Variants in CCSER1 observed in about 807,000 individuals in gnomAD.
CCSER1 encodes the protein coiled-coil serine rich protein 1.
Under a neutral mutation model 82.0 loss-of-function variants are expected in CCSER1, and 41 were observed. That is an observed-to-expected ratio of 0.50 (90% CI 0.39 to 0.65). CCSER1 has a LOEUF of 0.65. CCSER1 is among the 30% of genes least tolerant of loss of function. The pLI, the probability that CCSER1 is intolerant of heterozygous loss-of-function variation, is 0.00. For synonymous variants in CCSER1, 414 were observed against 383.9 expected, an observed-to-expected ratio of 1.08 and a Z score of -0.92; for missense variants, 1,119 against 1,064.2, an observed-to-expected ratio of 1.05 and a Z score of -0.72.
intron 1 of CCSER1, among the ~76,000 whole-genome samples, chr4:90,149,855 C>A (rs1428542101): frequency 6.6e-6 from 1 of 152,048 alleles, no homozygotes; most frequent in Admixed American, 6.6e-5. Flanking sequence ...CAAGTTAAGT[C>A]TGCATTGTAT....
chr4:91,442,430 T>G (rs1397345895), intron 10 of CCSER1, among the ~76,000 whole-genome samples: 1 of 147,612 alleles, frequency 6.8e-6, no homozygotes, highest in African/African-American at 2.5e-5. Context: ...TGTAGAAAGC[T>G]GAAACTGGAT....
chr4:90,705,687 C>T (rs1739196483), intron 6 of CCSER1, among the ~76,000 whole-genome samples: 1 of 152,194 alleles, frequency 6.6e-6, no homozygotes, highest in Non-Finnish European at 1.5e-5. Context: ...CGCCCCTCCC[C>T]CAGTCTCACT....
At chr4:90,764,677 G>C (rs1750929350) in intron 7 of CCSER1, among the ~76,000 whole-genome samples, 1 of 151,984 alleles carries the variant, frequency 6.6e-6, no homozygotes. Context: ...TTGCAACTCA[G>C]GCAATTATAA....
At chr4:90,191,291 A>G (rs1049279490) in intron 1 of CCSER1, among the ~76,000 whole-genome samples, 1 of 151,366 alleles carries the variant, frequency 6.6e-6, no homozygotes, top group Non-Finnish European at 1.5e-5. Context: ...TAACAATCTG[A>G]GTATGGGGGC....
At chr4:90,661,668 A>G (rs1368100184) in intron 6 of CCSER1, among the ~76,000 whole-genome samples, 1 of 152,220 alleles carries the variant, frequency 6.6e-6, no homozygotes, top group Non-Finnish European at 1.5e-5. Flanking sequence ...AGTTTATGGA[A>G]TAACTCCAAA....
intron 10 of CCSER1, among the ~76,000 whole-genome samples, chr4:91,464,101 T>A (rs954197879): frequency 3.3e-5 from 5 of 152,100 alleles, no homozygotes; most frequent in Non-Finnish European, 5.9e-5. Context: ...GGGCAGCCAG[T>A]GAGAAAGGTC....
At position 90,835,004 on chromosome 4, in the gene CCSER1, C is replaced by T. The variant is rs188148486; in HGVS notation, c.2094+19159C>T. Among the ~76,000 whole-genome samples the T allele has an allele frequency of 2.0e-3, 305 of 152,262 alleles. 3 individuals carry two copies. The highest frequency in any genetic ancestry group is 2.6e-3 in the Non-Finnish European group (179 of 68,012). Reference sequence around the variant, plus strand: ...TTTTATTTTAAAGTATGTTTTTCATCTGCATCTACCAACATTTATTCTTGG... The same window carrying T: ...TTTTATTTTAAAGTATGTTTTTCATTTGCATCTACCAACATTTATTCTTGG... On this transcript the variant is annotated intron_variant, in intron 8 of 10. Coordinates refer to ENST00000509176, the MANE Select transcript of CCSER1 (RefSeq NM_001145065.2).
intron 10 of CCSER1, among the ~76,000 whole-genome samples, chr4:91,112,125 A>G (rs1726147462): frequency 6.6e-6 from 1 of 152,088 alleles, no homozygotes. Context: ...AGATATTCCT[A>G]TCACAAAGCT....
chr4:91,362,721 C>T (rs1281501162), intron 10 of CCSER1, among the ~76,000 whole-genome samples: 1 of 151,620 alleles, frequency 6.6e-6, no homozygotes, highest in Non-Finnish European at 1.5e-5. Flanking sequence ...CATCTTCCTC[C>T]TTTTTTTGTT....
intron 10 of CCSER1, among the ~76,000 whole-genome samples, chr4:91,370,919 T>TA (rs1319058345): frequency 1.3e-5 from 2 of 152,052 alleles, no homozygotes. Flanking sequence ...TGGAGTGCTA[T>TA]AGTGTGATCT....
At chr4:91,354,376 C>T (rs1398099233) in intron 10 of CCSER1, among the ~76,000 whole-genome samples, 1 of 152,174 alleles carries the variant, frequency 6.6e-6, no homozygotes, top group African/African-American at 2.4e-5. Flanking sequence ...GCCAATTATA[C>T]AGCTACCTGT....
chr4:90,608,328 A>G (rs569564742), intron 5 of CCSER1, among the ~76,000 whole-genome samples: 1 of 152,284 alleles, frequency 6.6e-6, no homozygotes, highest in South Asian at 2.1e-4. Context: ...TGCAGAACTC[A>G]TGGAGGCTTC....
chr4:90,952,878 C>T (rs1425709280), intron 9 of CCSER1, among the ~76,000 whole-genome samples: 1 of 152,030 alleles, frequency 6.6e-6, no homozygotes, highest in Non-Finnish European at 1.5e-5. Flanking sequence ...ATTCTAGAAA[C>T]ACCCTTGAGA....
At chr4:90,784,421 A>G (rs1440521178) in intron 7 of CCSER1, among the ~76,000 whole-genome samples, 2 of 152,232 alleles carry the variant, frequency 1.3e-5, no homozygotes, top group East Asian at 1.9e-4. Flanking sequence ...CTGATTTTCA[A>G]TAACAATGTG....
chr4:91,060,447 T>C (rs957378593), intron 9 of CCSER1, among the ~76,000 whole-genome samples: 2 of 152,026 alleles, frequency 1.3e-5, no homozygotes, highest in African/African-American at 2.4e-5. Flanking sequence ...CCCTTAAAAG[T>C]AGAAGAATGC....
In CCSER1 at chr4:90,762,350, A is replaced by T. The variant is rs547269052; in HGVS notation, c.2010+38359A>T. Among the ~76,000 whole-genome samples the T allele has an allele frequency of 2.0e-5, 3 of 152,258 alleles. No individual in the cohort carries two copies. The East Asian group carries it at 5.8e-4, about 29-fold the overall frequency. ...TTTCTGAGGCTTCCCAGCCCTGCTG[A>T]ATTGTGAGTCAATTAAACCTGTTTA... On this transcript the variant is annotated intron_variant, in intron 7 of 10. Coordinates refer to ENST00000509176, the MANE Select transcript of CCSER1 (RefSeq NM_001145065.2).
chr4:91,249,482 C>T (rs890187979), intron 10 of CCSER1, among the ~76,000 whole-genome samples: 4 of 152,034 alleles, frequency 2.6e-5, no homozygotes, highest in African/African-American at 9.7e-5. Flanking sequence ...TTTTTTGGAT[C>T]ACCTGACTTT....
intron 3 of CCSER1, among the ~76,000 whole-genome samples, chr4:90,322,105 A>T (rs745785232): frequency 1.3e-5 from 2 of 152,044 alleles, no homozygotes; most frequent in African/African-American, 2.4e-5. Flanking sequence ...CCATAGTTCC[A>T]TAGTTTGAGG....
intron 9 of CCSER1, among the ~76,000 whole-genome samples, chr4:90,941,691 ATC>A (rs1731601375): frequency 6.6e-6 from 1 of 152,126 alleles, no homozygotes; most frequent in African/African-American, 2.4e-5. Context: ...TCTAAAACAA[ATC>A]TCTGTCTTGT....
Sources: gnomAD v4.1 joint callset for allele counts (sites outside exome capture counted in the v4.1 genomes callset) on GRCh38, gnomAD v4.1.1 for gene constraint, MANE v1.5 for transcripts, NCBI Gene and HGNC (gene_info 2026-07-23, HGNC 2026-07-21) for gene names.